Variants in SIPA1L3 observed in about 807,000 individuals in gnomAD.
SIPA1L3 encodes the protein signal induced proliferation associated 1 like 3, also known as signal-induced proliferation-associated 1-like protein 3.
A neutral mutation model predicts 150.1 loss-of-function variants in SIPA1L3; 59 were observed. The observed-to-expected ratio is 0.39, with a 90% CI of 0.32 to 0.49. SIPA1L3 has a LOEUF of 0.49. Ranked by LOEUF, SIPA1L3 falls within the 20% of genes least tolerant of loss-of-function variation. The probability of loss-of-function intolerance (pLI) is 0.86; values close to 1 mark genes in which losing one functional copy is unlikely to be tolerated. For missense variants in SIPA1L3, 2,211 were observed against 2,489.5 expected (o/e 0.89, Z 2.38); for synonymous variants, 1,070 against 1,077.6 (o/e 0.99, Z 0.14).
At chr19:38,196,349 C>A (rs1319644294) in intron 18 of SIPA1L3, among the ~76,000 whole-genome samples, 1 of 152,004 alleles carries the variant, frequency 6.6e-6, no homozygotes, top group Non-Finnish European at 1.5e-5. Context: ...GCATGGAGGT[C>A]AAGGGTGGAG....
At chr19:38,067,235 T>A (rs1230354125) in intron 2 of SIPA1L3, among the ~76,000 whole-genome samples, 1 of 151,878 alleles carries the variant, frequency 6.6e-6, no homozygotes, top group East Asian at 1.9e-4. Context: ...TAATTTAAAA[T>A]TTTGATGCAC....
rs1568593965 is a variant in SIPA1L3 at position 38,176,994 on chromosome 19, A to AC, written c.4209-5525_4209-5524insC. Among the ~76,000 whole-genome samples, 320 of 151,784 alleles carry AC rather than the reference A, an allele frequency of 2.1e-3. 1 individual carries two copies. Among genetic ancestry groups the AC allele is most frequent in the African/African-American group, 7.3e-3 (303 of 41,414 alleles). On this transcript the variant is annotated intron_variant, in intron 15 of 21. Transcript: ENST00000222345. ...CTCAAAAAAACAAACAAACAACAAA[A>AC]AAACAAACAAACAAACAAAAAACAT...
chr19:38,037,241 TG>T (rs1968812716), intron 2 of SIPA1L3, among the ~76,000 whole-genome samples: 1 of 151,914 alleles, frequency 6.6e-6, no homozygotes, highest in African/African-American at 2.4e-5. Flanking sequence ...ACAGCATATC[TG>T]AGAGCCCGGA....
intron 15 of SIPA1L3, among the ~76,000 whole-genome samples, chr19:38,166,588 G>C (rs1473344298): frequency 6.6e-6 from 1 of 152,188 alleles, no homozygotes; most frequent in African/African-American, 2.4e-5. Flanking sequence ...GATGGAAAGA[G>C]TATTCTACAC....
intron 1 of SIPA1L3, among the ~76,000 whole-genome samples, chr19:37,972,465 G>A (rs1032993656): frequency 2.0e-5 from 3 of 152,128 alleles, no homozygotes; most frequent in Non-Finnish European, 2.9e-5. Flanking sequence ...TGCTTTGAGA[G>A]GCTAAGGTGG....
intron 15 of SIPA1L3, among the ~76,000 whole-genome samples, chr19:38,165,409 C>T (rs544871671): frequency 4.5e-4 from 68 of 152,148 alleles, no homozygotes; most frequent in Non-Finnish European, 6.8e-4. Context: ...TCTCCCTGCT[C>T]GGCATCTTTA....
At chr19:38,097,512 C>A (rs1031117518) in intron 4 of SIPA1L3, among the ~76,000 whole-genome samples, 1 of 152,080 alleles carries the variant, frequency 6.6e-6, no homozygotes, top group Non-Finnish European at 1.5e-5. Context: ...TAGTGATTAC[C>A]CAGGTATTTG....
intron 1 of SIPA1L3, among the ~76,000 whole-genome samples, chr19:37,920,768 C>G (rs1050580181): frequency 6.6e-6 from 1 of 152,184 alleles, no homozygotes; most frequent in African/African-American, 2.4e-5. Flanking sequence ...TTTGGAAGCC[C>G]CTTTGATAAA....
At chr19:38,180,286 T>C (rs543891838) in intron 15 of SIPA1L3, among the ~76,000 whole-genome samples, 1 of 152,328 alleles carries the variant, frequency 6.6e-6, no homozygotes, top group African/African-American at 2.4e-5. Flanking sequence ...AAGTTACATT[T>C]TATTTCATTC....
chr19:38,141,490 T>C, intron 11 of SIPA1L3, 55 bp downstream of exon 11: 1 of 1,531,916 alleles, frequency 6.5e-7, no homozygotes, highest in Non-Finnish European at 8.8e-7. Flanking sequence ...CCCACACCCA[T>C]CCTCCGCCCC....
Position 38,207,895 on chromosome 19 carries a change from C to G in SIPA1L3, c.*1655C>G, listed in dbSNP as rs1473045169. Reference sequence around the variant, plus strand: ...CCTGCCCCCACCCTCACCCCCAACACCAAGAGTGAGGTGGGCGTGCCCCAG... The same window carrying G: ...CCTGCCCCCACCCTCACCCCCAACAGCAAGAGTGAGGTGGGCGTGCCCCAG... On this transcript the variant is annotated 3_prime_UTR_variant, in exon 22 of 22. Transcript: ENST00000222345. 1.3e-5 allele frequency: 2 copies of G among 152,606 alleles called. No individual in the cohort carries two copies. The highest frequency in any genetic ancestry group is 2.9e-5 in the Non-Finnish European group (2 of 68,052). 9.5% of individuals were successfully genotyped at this position (152,606 alleles called of 1,614,324 possible).
At chr19:37,927,450 C>G (rs1381239742) in intron 1 of SIPA1L3, among the ~76,000 whole-genome samples, 2 of 152,136 alleles carry the variant, frequency 1.3e-5, no homozygotes, top group South Asian at 4.1e-4. Flanking sequence ...CTGCGCCTAG[C>G]CCCCAGTAGG....
intron 1 of SIPA1L3, among the ~76,000 whole-genome samples, chr19:37,909,635 G>A (rs2046362240): frequency 1.3e-5 from 2 of 152,318 alleles, no homozygotes; most frequent in Admixed American, 1.3e-4. Flanking sequence ...TGGCATGAAA[G>A]CCTGGCTTTC....
rs112745284 is a variant in SIPA1L3 at position 38,023,192 on chromosome 19, C to T, written c.-378-5897C>T. On this transcript the variant is annotated intron_variant, in intron 1 of 21. Transcript: ENST00000222345. ...GGGGCCCCCAGCACAGTGAAATCCT[C>T]ATAGCTGTGTGTTCAGAGCACCACA... 7.1e-3 allele frequency among the ~76,000 whole-genome samples: 1,077 copies of T among 152,306 alleles called. 18 individuals carry two copies. Among genetic ancestry groups the T allele is most frequent in the African/African-American group, 0.025 (1,024 of 41,580 alleles).
chr19:38,149,369 G>A (rs1413786509), intron 12 of SIPA1L3, among the ~76,000 whole-genome samples: 1 of 151,996 alleles, frequency 6.6e-6, no homozygotes, highest in African/African-American at 2.4e-5. Flanking sequence ...TAAGCAATAG[G>A]GCAAGACTCC....
At position 37,951,754 on chromosome 19, in the gene SIPA1L3, G is replaced by T. The variant is rs1003273902; in HGVS notation, c.-379+44396G>T. On this transcript the variant is annotated intron_variant, in intron 1 of 21. Transcript: ENST00000222345. Reference sequence around the variant, plus strand: ...TCTACTAAAATGCAAAAAATTAGCCGGGCATGGTGGCGGGCGCCTGTAGTC... The same window carrying T: ...TCTACTAAAATGCAAAAAATTAGCCTGGCATGGTGGCGGGCGCCTGTAGTC... Among the ~76,000 whole-genome samples, 10 of 151,970 alleles carry T rather than the reference G, an allele frequency of 6.6e-5. No individual in the cohort carries two copies. The South Asian group carries it at 1.2e-3, about 19-fold the overall frequency.
intron 2 of SIPA1L3, among the ~76,000 whole-genome samples, chr19:38,078,517 C>T (rs1300422299): frequency 1.4e-5 from 2 of 145,374 alleles, no homozygotes; most frequent in South Asian, 2.2e-4. Context: ...GACATGCACA[C>T]ACACACAGAC....
At chr19:38,172,340 CT>C (rs1220440007) in intron 15 of SIPA1L3, among the ~76,000 whole-genome samples, 7 of 152,206 alleles carry the variant, frequency 4.6e-5, no homozygotes. Flanking sequence ...GGGACTGATT[CT>C]TCCAGTCACT....
At chr19:38,153,062 G>C (rs1034879155) in intron 13 of SIPA1L3, 95 bp downstream of exon 13, 2 of 1,448,296 alleles carry the variant, frequency 1.4e-6, no homozygotes, top group African/African-American at 1.4e-5. Flanking sequence ...CCTCTTGTGA[G>C]TGACGGATAA....
Sources: gnomAD v4.1 joint callset for allele counts (sites outside exome capture counted in the v4.1 genomes callset) on GRCh38, gnomAD v4.1.1 for gene constraint, MANE v1.5 for transcripts, NCBI Gene and HGNC (gene_info 2026-07-23, HGNC 2026-07-21) for gene names.